Variants in FOXP1 observed in about 807,000 individuals in gnomAD.
FOXP1 encodes forkhead box P1.
FOXP1 carries 15 observed loss-of-function variants against 98.2 expected under a neutral mutation model. The observed-to-expected ratio is 0.15, with a 90% CI of 0.10 to 0.24. FOXP1 has a LOEUF of 0.24. Ranked by LOEUF, FOXP1 falls within the 10% of genes least tolerant of loss-of-function variation. FOXP1 has a pLI of 1.00. For missense variants in FOXP1, 633 were observed against 848.5 expected (o/e 0.75, Z 3.15); for synonymous variants, 371 against 314.5 (o/e 1.18, Z -1.90).
chr3:71,395,529 T>C (rs962845177), intron 3 of FOXP1, among the ~76,000 whole-genome samples: 1 of 151,836 alleles, frequency 6.6e-6, no homozygotes, highest in Non-Finnish European at 1.5e-5. Flanking sequence ...CTTACCTGGG[T>C]ACCTCATCTA....
chr3:71,301,174 G>A (rs2073813349), intron 4 of FOXP1, among the ~76,000 whole-genome samples: 1 of 152,148 alleles, frequency 6.6e-6, no homozygotes, highest in Admixed American at 6.5e-5. Flanking sequence ...CCCTAGCTCT[G>A]GGACTTAAAA....
intron 3 of FOXP1, among the ~76,000 whole-genome samples, chr3:71,438,437 G>T (rs2085579552): frequency 6.6e-6 from 1 of 152,136 alleles, no homozygotes; most frequent in Non-Finnish European, 1.5e-5. Context: ...GAGTTCCTGT[G>T]CATTCCATTA....
rs1051001588 is a variant in FOXP1 at position 70,964,225 on chromosome 3, A to C, written c.1889+1665T>G. 2.0e-5 allele frequency among the ~76,000 whole-genome samples: 3 copies of C among 152,212 alleles called. No homozygotes were observed. The East Asian group carries it at 5.8e-4, about 29-fold the overall frequency. ...TAGGGTTTCTTGTAAAAAATAGTTG[A>C]AACCTTCATTTCATCAAAAATTACA... On this transcript the variant is annotated intron_variant, in intron 20 of 20. Transcript: ENST00000649528.
At position 71,100,179 on chromosome 3, in the gene FOXP1, T is replaced by A. The variant is rs78266696; in HGVS notation, c.282+12357A>T. Among the ~76,000 whole-genome samples the A allele has an allele frequency of 6.0e-3, 916 of 152,280 alleles. 14 individuals are homozygous for A. Among genetic ancestry groups the A allele is most frequent in the African/African-American group, 0.021 (885 of 41,536 alleles). On this transcript the variant is annotated intron_variant, in intron 7 of 20. Transcript: ENST00000649528. ...CATACCTAATCAATCGTGGCACTCT[T>A]CAGAGCCCATCTCAGACCCACAGTC...
intron 3 of FOXP1, among the ~76,000 whole-genome samples, chr3:71,369,397 C>CA (rs796720135): frequency 2.6e-5 from 4 of 151,464 alleles, no homozygotes; most frequent in African/African-American, 7.3e-5. Context: ...CTCAAAAAAA[C>CA]AAAAAAACAA....
intron 2 of FOXP1, among the ~76,000 whole-genome samples, chr3:71,536,261 T>C (rs773697983): frequency 2.0e-5 from 3 of 152,194 alleles, no homozygotes; most frequent in Non-Finnish European, 4.4e-5. Context: ...TTAAATATTT[T>C]AGGCCAAAGA....
At chr3:71,323,493 G>C (rs940179567) in intron 4 of FOXP1, among the ~76,000 whole-genome samples, 1 of 152,086 alleles carries the variant, frequency 6.6e-6, no homozygotes, top group African/African-American at 2.4e-5. Flanking sequence ...AAGAAAAAAA[G>C]AATATAATAT....
At chr3:71,372,512 C>T (rs564831684) in intron 3 of FOXP1, among the ~76,000 whole-genome samples, 3 of 152,190 alleles carry the variant, frequency 2.0e-5, no homozygotes, top group African/African-American at 7.2e-5. Flanking sequence ...TCCAGGAGAA[C>T]AGAGTTCTCC....
At chr3:71,337,454 G>A (rs756572291) in intron 4 of FOXP1, among the ~76,000 whole-genome samples, 1 of 152,160 alleles carries the variant, frequency 6.6e-6, no homozygotes, top group African/African-American at 2.4e-5. Flanking sequence ...ATCTGTGCGC[G>A]AGCATGTGTA....
chr3:70,995,921 T>G (rs887446354), intron 13 of FOXP1, among the ~76,000 whole-genome samples: 1 of 152,232 alleles, frequency 6.6e-6, no homozygotes, highest in Non-Finnish European at 1.5e-5. Flanking sequence ...TAGATGTACC[T>G]TGCCTTTTGT....
chr3:71,171,742 G>A (rs975601461), intron 6 of FOXP1, among the ~76,000 whole-genome samples: 1 of 152,204 alleles, frequency 6.6e-6, no homozygotes, highest in African/African-American at 2.4e-5. Context: ...TGGAAAATGT[G>A]TATGTAACAA....
chr3:71,403,049 T>C (rs2082051270), intron 3 of FOXP1, among the ~76,000 whole-genome samples: 1 of 152,240 alleles, frequency 6.6e-6, no homozygotes, highest in Admixed American at 6.5e-5. Context: ...TAAGAGATTG[T>C]ATAAGCAAAA....
chr3:71,192,695 G>C (rs940126683), intron 6 of FOXP1, among the ~76,000 whole-genome samples: 1 of 152,182 alleles, frequency 6.6e-6, no homozygotes, highest in African/African-American at 2.4e-5. Context: ...CCCAGCCCAG[G>C]CTGGAGTGCA....
chr3:71,192,155 C>T (rs913843230), intron 6 of FOXP1, among the ~76,000 whole-genome samples: 7 of 152,300 alleles, frequency 4.6e-5, no homozygotes, highest in Admixed American at 1.3e-4. Context: ...ACCCTCCTTT[C>T]AGACACAGTC....
At chr3:71,273,575 C>A (rs1279083329) in intron 5 of FOXP1, among the ~76,000 whole-genome samples, 1 of 152,202 alleles carries the variant, frequency 6.6e-6, no homozygotes, top group Non-Finnish European at 1.5e-5. Flanking sequence ...TCCTACGCCG[C>A]CTCCATTATT....
At chr3:71,227,403 G>A (rs374347526) in intron 5 of FOXP1, among the ~76,000 whole-genome samples, 3 of 151,982 alleles carry the variant, frequency 2.0e-5, no homozygotes, top group Non-Finnish European at 4.4e-5. Context: ...ACACTCTCCC[G>A]CCAAAGAAAC....
At chr3:71,023,165 A>G (rs2045653658) in intron 11 of FOXP1, among the ~76,000 whole-genome samples, 1 of 152,192 alleles carries the variant, frequency 6.6e-6, no homozygotes, top group Non-Finnish European at 1.5e-5. Flanking sequence ...CGACCCTGAG[A>G]CAGGCACCGA....
chr3:71,479,304 G>T (rs2090091831), intron 3 of FOXP1, among the ~76,000 whole-genome samples: 1 of 152,200 alleles, frequency 6.6e-6, no homozygotes, highest in African/African-American at 2.4e-5. Flanking sequence ...CAGCTTCTCA[G>T]ATTTAGAATT....
At chr3:71,465,913 C>G (rs1560524476) in intron 3 of FOXP1, among the ~76,000 whole-genome samples, 1 of 152,152 alleles carries the variant, frequency 6.6e-6, no homozygotes, top group South Asian at 2.1e-4. Flanking sequence ...CTAGGTTGTG[C>G]ACTCCTTATG....
Sources: gnomAD v4.1 joint callset for allele counts (sites outside exome capture counted in the v4.1 genomes callset) on GRCh38, gnomAD v4.1.1 for gene constraint, MANE v1.5 for transcripts, NCBI Gene and HGNC (gene_info 2026-07-23, HGNC 2026-07-21) for gene names.